Variants in DRC3 observed in about 807,000 individuals in gnomAD.
DRC3 encodes the protein dynein regulatory complex subunit 3.
In DRC3, 45 loss-of-function variants were observed where a neutral mutation model predicts 57.6. The ratio of observed to expected loss-of-function variants is 0.78; its 90% CI spans 0.62 to 1.00. The LOEUF (loss-of-function observed/expected upper bound fraction) is 1.00. DRC3 is among the 50% of genes least tolerant of loss of function. The probability of loss-of-function intolerance (pLI) is 0.00; values close to 1 mark genes in which losing one functional copy is unlikely to be tolerated. For synonymous variants in DRC3, 257 were observed against 272.3 expected (o/e 0.94, Z 0.55); for missense variants, 655 against 675.2 (o/e 0.97, Z 0.33).
At chr17:17,990,790 G>A (rs1204742699) in intron 5 of DRC3, among the ~76,000 whole-genome samples, 1 of 152,178 alleles carries the variant, frequency 6.6e-6, no homozygotes, top group Non-Finnish European at 1.5e-5. Context: ...TCAGGAATTC[G>A]AGATAAGCTT....
intron 9 of DRC3, among the ~76,000 whole-genome samples, chr17:18,001,367 G>A (rs2043723993): frequency 6.6e-6 from 1 of 152,050 alleles, no homozygotes; most frequent in African/African-American, 2.4e-5. Context: ...AGCCAGGGTG[G>A]TGATGCATGC....
At chr17:18,006,143 T>C (rs746455201) in intron 10 of DRC3, 40 bp from the exon 11 acceptor site, 7 of 1,483,346 alleles carry the variant, frequency 4.7e-6, no homozygotes, top group Non-Finnish European at 6.6e-6. Flanking sequence ...GTGCTGGACA[T>C]CTAAATATGC....
chr17:17,998,841 AT>A (rs1394850892), intron 9 of DRC3, among the ~76,000 whole-genome samples: 1 of 152,242 alleles, frequency 6.6e-6, no homozygotes, highest in Non-Finnish European at 1.5e-5. Context: ...TGGCTCACAT[AT>A]GTGTTTTATG....
In DRC3 at chr17:18,016,566, G is replaced by A; in HGVS notation, c.1467G>A (p.Lys489=). Residue 489 remains lysine (K), a synonymous_variant, in exon 14 of 14, where the codon AAG becomes AAA. Transcript: ENST00000399187. ...TTGGTTTCACTCCTCAGATTCACAA[G>A]GATGAGATCATGAGGAACCGCAAGC... ...WCTRLIDRIH[K]DEIMRNRKRV... is the part of the protein sequence containing the mutation. 1 of 1,611,838 alleles carries A rather than the reference G, an allele frequency of 6.2e-7. No homozygotes were observed. Among genetic ancestry groups the A allele is most frequent in the Non-Finnish European group, 8.5e-7 (1 of 1,178,086 alleles).
At chr17:17,987,209 T>C in intron 4 of DRC3, among the ~76,000 whole-genome samples, 1 of 112,414 alleles carries the variant, frequency 8.9e-6, no homozygotes, top group Non-Finnish European at 1.7e-5. Flanking sequence ...AGCGAGACCC[T>C]GTCTCAAAAA....
At chr17:18,003,418 G>C (rs12942274) in intron 9 of DRC3, among the ~76,000 whole-genome samples, 2 of 135,198 alleles carry the variant, frequency 1.5e-5, no homozygotes, top group African/African-American at 5.4e-5. Context: ...TCAGGAGGCA[G>C]AGGTTGCAGT....
intron 12 of DRC3, chr17:18,007,461 G>C (rs1037481397): frequency 1.3e-6 from 2 of 1,551,380 alleles, no homozygotes; most frequent in Non-Finnish European, 1.7e-6. Flanking sequence ...GCAGTTACAG[G>C]TAGAGGTTGA....
intron 3 of DRC3, among the ~76,000 whole-genome samples, chr17:17,982,487 T>G (rs888091999): frequency 6.6e-5 from 10 of 152,186 alleles, no homozygotes; most frequent in Non-Finnish European, 1.5e-4. Flanking sequence ...AGTGCTGGGA[T>G]TACAGGCGTG....
chr17:18,015,909 T>A, intron 12 of DRC3, 155 bp from the exon 13 acceptor site: 1 of 749,960 alleles, frequency 1.3e-6, no homozygotes, highest in Non-Finnish European at 2.1e-6. Context: ...AATTCACAGA[T>A]GAATCGGCAG....
rs8075909 is a variant in DRC3, at chr17:17,976,282, A to C, written c.-17-1300A>C. Among the ~76,000 whole-genome samples the C allele has an allele frequency of 7.7e-3, 1,172 of 152,350 alleles. 15 individuals carry two copies. Among genetic ancestry groups the C allele is most frequent in the African/African-American group, 0.027 (1,129 of 41,568 alleles). ...ATAAGGATGAGAATGTGGTCCAGCC[A>C]CGAACGGCAGCCTGGAGTCAGCCTC... On this transcript the variant is annotated intron_variant, in intron 2 of 13. Transcript: ENST00000399187.
At chr17:18,012,092 G>A (rs943590962) in intron 12 of DRC3, among the ~76,000 whole-genome samples, 6 of 152,192 alleles carry the variant, frequency 3.9e-5, no homozygotes, top group African/African-American at 1.4e-4. Context: ...GCTTCCCAAA[G>A]TAACACAGGG....
chr17:18,010,387 T>G (rs960093239), intron 12 of DRC3, among the ~76,000 whole-genome samples: 5 of 152,196 alleles, frequency 3.3e-5, no homozygotes, highest in African/African-American at 7.2e-5. Flanking sequence ...AAAAGTCACT[T>G]TGTTGCTACC....
chr17:18,000,192 CTCTG>C (rs1322065871), intron 9 of DRC3, among the ~76,000 whole-genome samples: 68 of 50,900 alleles, frequency 1.3e-3, no homozygotes, highest in Middle Eastern at 0.014. Flanking sequence ...CTTTGCTTTC[CTCTG>C]TGTGTGTGTG....
rs1249970308 is a variant in DRC3 at position 17,992,687 on chromosome 17, A to G, written c.445-78A>G. Reference sequence around the variant, plus strand: ...GTGGCCAGGCTGACTCTGAAAGAGTACTGAGGAGGGAGGTGCAGCTGTGTT... The same window carrying G: ...GTGGCCAGGCTGACTCTGAAAGAGTGCTGAGGAGGGAGGTGCAGCTGTGTT... On this transcript the variant is annotated intron_variant, in intron 5 of 13. Coordinates refer to ENST00000399187, the MANE Select transcript of DRC3 (RefSeq NM_031294.4). 3 of 1,475,500 alleles carry G rather than the reference A, an allele frequency of 2.0e-6. No individual in the cohort carries two copies. The African/African-American group carries it at 4.2e-5, about 20-fold the overall frequency. The allele number at this position is 1,475,500 out of a possible 1,614,324, so 91.4% of individuals were successfully genotyped here.
intron 2 of DRC3, among the ~76,000 whole-genome samples, chr17:17,976,830 C>T (rs2042410120): frequency 2.0e-5 from 3 of 152,200 alleles, no homozygotes; most frequent in Middle Eastern, 6.8e-3. Context: ...CTGTCTGTGT[C>T]GATCTGTCTG....
At chr17:17,989,451 G>A (rs1050880121) in intron 5 of DRC3, 1 of 152,308 alleles carries the variant, frequency 6.6e-6, no homozygotes, top group Non-Finnish European at 1.5e-5. Flanking sequence ...GGGGGATTGT[G>A]AGAATGGGTT....
At chr17:17,987,807 C>A in intron 4 of DRC3, 125 bp from the exon 5 acceptor site, 1 of 954,678 alleles carries the variant, frequency 1.0e-6, no homozygotes, top group Non-Finnish European at 1.5e-6. Flanking sequence ...GACAGTGAGT[C>A]AAATTCTGGC....
intron 3 of DRC3, among the ~76,000 whole-genome samples, chr17:17,983,387 G>T (rs1476377073): frequency 6.6e-6 from 1 of 152,208 alleles, no homozygotes; most frequent in East Asian, 1.9e-4. Flanking sequence ...AAGGCTGAAT[G>T]AGGCAATCAA....
intron 3 of DRC3, among the ~76,000 whole-genome samples, chr17:17,979,660 G>A (rs544331601): frequency 1.3e-5 from 2 of 152,310 alleles, no homozygotes; most frequent in Non-Finnish European, 2.9e-5. Flanking sequence ...GCATGCTGGC[G>A]TGTGTGGCAG....
Sources: allele counts gnomAD v4.1 joint callset (sites outside exome capture counted in the v4.1 genomes callset), GRCh38; gene constraint gnomAD v4.1.1; transcripts MANE v1.5; gene names NCBI Gene and HGNC (gene_info 2026-07-23, HGNC 2026-07-21).